The following SLC6A11 variants were observed in gnomAD, a reference collection of about 807,000 sequenced individuals.
The protein encoded by SLC6A11 is solute carrier family 6 member 11.
In SLC6A11, 25 loss-of-function variants were observed where a neutral mutation model predicts 74.8. The ratio of observed to expected loss-of-function variants is 0.33; its 90% CI spans 0.24 to 0.47. The LOEUF (loss-of-function observed/expected upper bound fraction) is 0.47. SLC6A11 is among the 20% of genes least tolerant of loss of function. The probability of loss-of-function intolerance (pLI) is 1.00; values close to 1 mark genes in which losing one functional copy is unlikely to be tolerated. For synonymous variants in SLC6A11, 330 were observed against 330.2 expected (o/e 1.00, Z 0.01); for missense variants, 574 against 837.0 (o/e 0.69, Z 3.88).
intron 10 of SLC6A11, among the ~76,000 whole-genome samples, chr3:10,932,148 G>C (rs2124821485): frequency 6.6e-6 from 1 of 152,188 alleles, no homozygotes; most frequent in East Asian, 1.9e-4. Flanking sequence ...ATCTGCAGCT[G>C]GTGTCCTCTC....
At chr3:10,873,470 CTACCCTACCA>C (rs1480074510) in intron 5 of SLC6A11, among the ~76,000 whole-genome samples, 3 of 145,916 alleles carry the variant, frequency 2.1e-5, no homozygotes, top group African/African-American at 7.6e-5. Context: ...CTATCCTACC[CTACCCTACCA>C]TACCCTACCC....
At chr3:10,875,251 A>T (rs963558806) in intron 6 of SLC6A11, among the ~76,000 whole-genome samples, 156 bp downstream of exon 6, 4 of 152,244 alleles carry the variant, frequency 2.6e-5, no homozygotes, top group African/African-American at 9.6e-5. Context: ...TAAATTTAAT[A>T]CGTAGGAAAT....
chr3:10,862,276 C>T (rs1694711284), intron 5 of SLC6A11, among the ~76,000 whole-genome samples: 1 of 152,134 alleles, frequency 6.6e-6, no homozygotes, highest in Non-Finnish European at 1.5e-5. Flanking sequence ...CTCCTAATAC[C>T]AGTGTAAGCT....
intron 6 of SLC6A11, among the ~76,000 whole-genome samples, chr3:10,909,002 G>A (rs1233491707): frequency 6.6e-6 from 1 of 151,008 alleles, no homozygotes; most frequent in Non-Finnish European, 1.5e-5. Flanking sequence ...ATATTGGTCT[G>A]CCTTTGCTCT....
chr3:10,913,704 T>G (rs1300768191), intron 7 of SLC6A11, among the ~76,000 whole-genome samples: 2 of 151,920 alleles, frequency 1.3e-5, no homozygotes, highest in African/African-American at 4.9e-5. Flanking sequence ...TTTTTTTTCT[T>G]TTTCTTTGAG....
At chr3:10,877,237 C>T (rs1179256756) in intron 6 of SLC6A11, among the ~76,000 whole-genome samples, 3 of 152,166 alleles carry the variant, frequency 2.0e-5, no homozygotes, top group South Asian at 2.1e-4. Context: ...ACCCCTGTGT[C>T]GGGGGGTGGT....
intron 5 of SLC6A11, among the ~76,000 whole-genome samples, chr3:10,861,007 G>A (rs1207250115): frequency 6.6e-6 from 1 of 152,214 alleles, no homozygotes; most frequent in Non-Finnish European, 1.5e-5. Flanking sequence ...TAAACCCATA[G>A]GAATAGGAAA....
At chr3:10,837,516 C>T (rs1461133245) in intron 4 of SLC6A11, among the ~76,000 whole-genome samples, 2 of 152,180 alleles carry the variant, frequency 1.3e-5, no homozygotes, top group Non-Finnish European at 2.9e-5. Flanking sequence ...GGGCATGTCA[C>T]CTGCCTGAGC....
chr3:10,929,510 C>G (rs529806150), intron 10 of SLC6A11, among the ~76,000 whole-genome samples, 171 bp downstream of exon 10: 1 of 152,232 alleles, frequency 6.6e-6, no homozygotes, highest in South Asian at 2.1e-4. Context: ...TCTCATCAGG[C>G]CCTCAGCACA....
intron 6 of SLC6A11, among the ~76,000 whole-genome samples, chr3:10,892,810 G>A (rs1426066315): frequency 1.3e-5 from 2 of 152,122 alleles, no homozygotes; most frequent in African/African-American, 2.4e-5. Flanking sequence ...CACCTGGAAG[G>A]GAGAAACTGC....
In SLC6A11 at chr3:10,938,441, C is replaced by A. The variant is rs1422177303; in HGVS notation, c.*39C>A. ...ATCTGGGGCTCTTCTTCCTTTCTTCCCCCCGTGTATGTAAATGAATTCCTG... is the reference window on the plus strand; with the variant it reads ...ATCTGGGGCTCTTCTTCCTTTCTTCACCCCGTGTATGTAAATGAATTCCTG... On this transcript the variant is annotated 3_prime_UTR_variant, in exon 14 of 14. Transcript: ENST00000254488. 1.3e-6 allele frequency: 2 copies of A among 1,549,332 alleles called. No individual in the cohort carries two copies. Among genetic ancestry groups the A allele is most frequent in the African/African-American group, 2.7e-5 (2 of 73,272 alleles).
At position 10,933,147 on chromosome 3, in the gene SLC6A11, G is replaced by T. The variant is rs1343300868; in HGVS notation, c.1372-4G>T. The stretch of plus-strand genomic sequence containing the variant: ...CATCCGTGTGTCTGTTCCCCGACCT[G>T]CAGGGTGGCATGTACATCTTCCAGC... On this transcript the variant is annotated splice_region_variant and splice_polypyrimidine_tract_variant and intron_variant, in intron 10 of 13. Transcript: ENST00000254488. 1.2e-6 allele frequency: 2 copies of T among 1,610,780 alleles called. No homozygotes were observed. Among genetic ancestry groups the T allele is most frequent in the African/African-American group, 2.7e-5 (2 of 74,960 alleles).
chr3:10,872,193 T>C (rs949369604), intron 5 of SLC6A11, among the ~76,000 whole-genome samples: 3 of 152,216 alleles, frequency 2.0e-5, no homozygotes, highest in Admixed American at 6.5e-5. Flanking sequence ...ATGACCCCCA[T>C]GTCTGGTTGT....
intron 6 of SLC6A11, among the ~76,000 whole-genome samples, chr3:10,893,253 A>G (rs1291345594): frequency 6.6e-6 from 1 of 152,220 alleles, no homozygotes; most frequent in East Asian, 1.9e-4. Flanking sequence ...TATAAAATTA[A>G]TCCATAGGTT....
intron 6 of SLC6A11, among the ~76,000 whole-genome samples, chr3:10,885,438 G>C (rs972618479): frequency 6.6e-6 from 1 of 152,070 alleles, no homozygotes; most frequent in African/African-American, 2.4e-5. Flanking sequence ...TGACTCTAGA[G>C]CATGGGTCTC....
chr3:10,932,070 T>C lies in SLC6A11; in HGVS notation c.1372-1081T>C, dbSNP rs955292171. Reference sequence around the variant, plus strand: ...TTGACACTTTTATTTCCCCTGCGTTTGATTGCATCCTCTAAGGACCCTCAT... The same window carrying C: ...TTGACACTTTTATTTCCCCTGCGTTCGATTGCATCCTCTAAGGACCCTCAT... On this transcript the variant is annotated intron_variant, in intron 10 of 13. Coordinates refer to ENST00000254488, the MANE Select transcript of SLC6A11 (RefSeq NM_014229.3). 1.5e-4 allele frequency among the ~76,000 whole-genome samples: 23 copies of C among 152,304 alleles called. No individual in the cohort carries two copies. The East Asian group carries it at 4.2e-3, about 28-fold the overall frequency.
rs144492919 is a variant in SLC6A11 at position 10,913,929 on chromosome 3, G to A, written c.995+1736G>A. On this transcript the variant is annotated intron_variant, in intron 7 of 13. Transcript: ENST00000254488. ...AGGATGGTCTTGATCTCCTGACCTC[G>A]TGATCTGCCTGCCTCAGCCTCCCAA... is the stretch of plus-strand genomic sequence containing the variant. 6.6e-3 allele frequency among the ~76,000 whole-genome samples: 1,006 copies of A among 152,286 alleles called. 8 individuals carry two copies. Among genetic ancestry groups the A allele is most frequent in the South Asian group, 0.017 (83 of 4,824 alleles).
intron 9 of SLC6A11, among the ~76,000 whole-genome samples, chr3:10,927,126 A>G (rs1324336573): frequency 1.3e-5 from 2 of 152,202 alleles, no homozygotes; most frequent in East Asian, 1.9e-4. Flanking sequence ...GCCAAGTCCA[A>G]TTCAATTTCT....
intron 5 of SLC6A11, among the ~76,000 whole-genome samples, chr3:10,873,922 A>G (rs906913833): frequency 2.0e-5 from 3 of 151,346 alleles, no homozygotes; most frequent in South Asian, 2.1e-4. Flanking sequence ...GCTATGCTAC[A>G]CTATCCTATG....
Sources: allele counts gnomAD v4.1 joint callset (sites outside exome capture counted in the v4.1 genomes callset), GRCh38; gene constraint gnomAD v4.1.1; transcripts MANE v1.5; gene names NCBI Gene and HGNC (gene_info 2026-07-23, HGNC 2026-07-21).